The following SFRP1 variants were observed in gnomAD, a reference collection of about 807,000 sequenced individuals.
SFRP1 encodes secreted frizzled related protein 1.
SFRP1 carries 9 observed loss-of-function variants against 25.9 expected under a neutral mutation model. The ratio of observed to expected loss-of-function variants is 0.35; its 90% CI spans 0.21 to 0.61. SFRP1 has a LOEUF of 0.61. Ranked by LOEUF, SFRP1 falls within the 20% of genes least tolerant of loss-of-function variation. The pLI is 0.78. For synonymous variants in SFRP1, 178 were observed against 174.0 expected, an observed-to-expected ratio of 1.02 and a Z score of -0.18; for missense variants, 346 against 418.2, an observed-to-expected ratio of 0.83 and a Z score of 1.51.
chr8:41,279,004 C>T (rs899734041), intron 2 of SFRP1, among the ~76,000 whole-genome samples: 1 of 152,054 alleles, frequency 6.6e-6, no homozygotes, highest in East Asian at 1.9e-4. Flanking sequence ...GCCTCCCCAG[C>T]CCAGTCTAGC....
intron 2 of SFRP1, among the ~76,000 whole-genome samples, chr8:41,289,094 C>T (rs1803744341): frequency 6.6e-6 from 1 of 152,232 alleles, no homozygotes; most frequent in African/African-American, 2.4e-5. Context: ...CTGCTCCACC[C>T]TCTCAGGCAC....
At position 41,262,918 on chromosome 8, in the gene SFRP1, G is replaced by C. The variant is rs141548335; in HGVS notation, c.*2249C>G. ...AAGGTCCTGGGACTCTGAGACAGAC[G>C]GTGGTAAAACCCACAGCTGCGATTC... On this transcript the variant is annotated 3_prime_UTR_variant, in exon 3 of 3. Transcript: ENST00000220772. 4.6e-5 allele frequency: 7 copies of C among 152,092 alleles called. No individual in the cohort carries two copies. Among genetic ancestry groups the C allele is most frequent in the Non-Finnish European group, 1.0e-4 (7 of 68,028 alleles). 9.4% of individuals were successfully genotyped at this position (152,092 alleles called of 1,614,324 possible).
In SFRP1 at chr8:41,308,758, C is replaced by A; in HGVS notation, c.402G>T (p.Glu134Asp). 1 of 1,609,364 alleles carries A rather than the reference C, an allele frequency of 6.2e-7. No individual in the cohort carries two copies. Reference sequence around the variant, plus strand: ...CCGGCTCGCACGAGTCGCGCACGGCCTCGCAGAGCCAGCGACACGGGTAGA... The same window carrying A: ...CCGGCTCGCACGAGTCGCGCACGGCATCGCAGAGCCAGCGACACGGGTAGA... ...RPIYPCRWLC[E>D]AVRDSCEPVM... The change falls in exon 1 of 3, where the codon GAG (glutamate) becomes GAT (aspartate). Residue 134 changes from glutamate to aspartate, a missense_variant. By Grantham distance (45) the Glu-to-Asp change is conservative. Transcript: ENST00000220772.
intron 2 of SFRP1, among the ~76,000 whole-genome samples, chr8:41,289,549 C>T (rs2117503861): frequency 6.6e-6 from 1 of 152,300 alleles, no homozygotes; most frequent in Non-Finnish European, 1.5e-5. Context: ...CACGCCTGTA[C>T]AGCTCCTAAG....
rs115661775 is a variant in SFRP1, at chr8:41,301,883, G to A, written c.622+1578C>T. 1.7e-3 allele frequency among the ~76,000 whole-genome samples: 266 copies of A among 152,302 alleles called. 4 individuals are homozygous for A. Among genetic ancestry groups the A allele is most frequent in the African/African-American group, 6.0e-3 (248 of 41,560 alleles). On this transcript the variant is annotated intron_variant, in intron 2 of 2. Transcript: ENST00000220772. ...CTGGCTGATTTGGCAGGTGCCTGCTGCCGTGGGAAGAAGATGTCCATCCCA... is the reference window on the plus strand; with the variant it reads ...CTGGCTGATTTGGCAGGTGCCTGCTACCGTGGGAAGAAGATGTCCATCCCA...
intron 1 of SFRP1, chr8:41,306,916 C>A: frequency 6.4e-7 from 1 of 1,570,646 alleles, no homozygotes; most frequent in East Asian, 2.3e-5. Context: ...GGCAACCCGT[C>A]CAATCCCCCC....
intron 2 of SFRP1, among the ~76,000 whole-genome samples, chr8:41,280,469 C>T (rs1585510439): frequency 6.6e-6 from 1 of 152,236 alleles, no homozygotes; most frequent in African/African-American, 2.4e-5. Flanking sequence ...CAGGTGGCAC[C>T]GGCCTCAAGC....
At chr8:41,286,723 G>C (rs1211693401) in intron 2 of SFRP1, among the ~76,000 whole-genome samples, 1 of 152,182 alleles carries the variant, frequency 6.6e-6, no homozygotes, top group African/African-American at 2.4e-5. Flanking sequence ...CACACACGAG[G>C]TCGGGGGCAG....
Position 41,263,625 on chromosome 8 carries a change from T to C in SFRP1, c.*1542A>G, listed in dbSNP as rs944665153. 6.6e-6 allele frequency: 1 copy of C among 152,200 alleles called. No homozygotes were observed. The highest frequency in any genetic ancestry group is 2.4e-5 in the African/African-American group (1 of 41,440). The allele number at this position is 152,200 out of a possible 1,614,324, so 9.4% of individuals were successfully genotyped here. ...TGTTGCAGAGAATTAAGAATCCGGC[T>C]TTGGGGGAAGAAATTAATATGCATT... is the stretch of plus-strand genomic sequence containing the variant. On this transcript the variant is annotated 3_prime_UTR_variant, in exon 3 of 3. Coordinates refer to ENST00000220772, the MANE Select transcript of SFRP1 (RefSeq NM_003012.5).
At chr8:41,302,059 A>G (rs1803924590) in intron 2 of SFRP1, among the ~76,000 whole-genome samples, 1 of 152,184 alleles carries the variant, frequency 6.6e-6, no homozygotes, top group African/African-American at 2.4e-5. Flanking sequence ...AACAATACTC[A>G]TGTATTACAT....
chr8:41,288,709 C>A (rs1187898767), intron 2 of SFRP1, among the ~76,000 whole-genome samples: 3 of 152,072 alleles, frequency 2.0e-5, no homozygotes, highest in Admixed American at 6.6e-5. Flanking sequence ...CAAAGCCATG[C>A]GACTAGTAAA....
At chr8:41,298,502 G>A (rs1313699487) in intron 2 of SFRP1, among the ~76,000 whole-genome samples, 1 of 152,020 alleles carries the variant, frequency 6.6e-6, no homozygotes, top group Non-Finnish European at 1.5e-5. Flanking sequence ...AAATTCCTGG[G>A]TTCAAGCAAT....
chr8:41,303,696 GC>G (rs941090266), intron 1 of SFRP1, among the ~76,000 whole-genome samples, 158 bp from the exon 2 acceptor site: 5 of 152,178 alleles, frequency 3.3e-5, no homozygotes, highest in African/African-American at 7.2e-5. Context: ...GAAGCCTTGA[GC>G]CCAGGGTCTA....
chr8:41,307,098 G>A, intron 1 of SFRP1: 1 of 1,171,580 alleles, frequency 8.5e-7, no homozygotes, highest in Non-Finnish European at 1.1e-6. Flanking sequence ...GCTGGCTGAG[G>A]AAGGGGAGAA....
chr8:41,277,214 G>GC (rs1585508654), intron 2 of SFRP1, among the ~76,000 whole-genome samples: 1 of 98,848 alleles, frequency 1.0e-5, no homozygotes, highest in Admixed American at 9.6e-5. Context: ...TCCACCCCCA[G>GC]CCCCCCACCC....
intron 2 of SFRP1, among the ~76,000 whole-genome samples, chr8:41,294,968 C>T (rs1330864062): frequency 6.6e-6 from 1 of 152,136 alleles, no homozygotes; most frequent in Non-Finnish European, 1.5e-5. Flanking sequence ...AGGAAGAACC[C>T]CAAGGCTAGT....
intron 1 of SFRP1, among the ~76,000 whole-genome samples, chr8:41,304,374 A>G (rs7825952): frequency 0.66 from 100,894 of 152,074 alleles, 33,782 homozygotes; most frequent in Non-Finnish European, 0.7. Context: ...GAGGGAGAGC[A>G]GGACGGCGCT....
intron 2 of SFRP1, among the ~76,000 whole-genome samples, chr8:41,296,951 T>A (rs1250806955): frequency 6.6e-6 from 1 of 152,210 alleles, no homozygotes; most frequent in Non-Finnish European, 1.5e-5. Context: ...ATCTCCTAAC[T>A]TCTAGTTAGG....
chr8:41,290,924 T>TTTTG, intron 2 of SFRP1, among the ~76,000 whole-genome samples: 1 of 122,474 alleles, frequency 8.2e-6, no homozygotes, highest in East Asian at 2.6e-4. Flanking sequence ...TTTTTTTTTT[T>TTTTG]GAGATGGAGT....
Sources: allele counts gnomAD v4.1 joint callset (sites outside exome capture counted in the v4.1 genomes callset), GRCh38; gene constraint gnomAD v4.1.1; transcripts MANE v1.5; gene names NCBI Gene and HGNC (gene_info 2026-07-23, HGNC 2026-07-21).